The following ATP8B4 variants were observed in gnomAD, a reference collection of about 807,000 sequenced individuals.
The protein encoded by ATP8B4 is ATPase phospholipid transporting 8B4 (putative).
ATP8B4 carries 133 observed loss-of-function variants against 145.6 expected under a neutral mutation model. The ratio of observed to expected loss-of-function variants is 0.91; its 90% CI spans 0.79 to 1.05. ATP8B4 has a LOEUF of 1.05. Among genes scored for constraint, ATP8B4 ranks in the 50% least tolerant of loss-of-function variants. The pLI is 0.00. For synonymous variants in ATP8B4, 507 were observed against 492.9 expected (o/e 1.03, Z -0.38); for missense variants, 1,458 against 1,425.2 (o/e 1.02, Z -0.37).
intron 14 of ATP8B4, among the ~76,000 whole-genome samples, chr15:49,961,702 C>A (rs1002035863): frequency 6.6e-6 from 1 of 152,042 alleles, no homozygotes; most frequent in Admixed American, 6.6e-5. Flanking sequence ...TATGCTACCA[C>A]CTATATAATT....
intron 6 of ATP8B4, among the ~76,000 whole-genome samples, chr15:50,037,197 A>G (rs1193198308): frequency 2.0e-5 from 3 of 152,212 alleles, no homozygotes; most frequent in African/African-American, 4.8e-5. Context: ...TCACTACGTA[A>G]GTGTATTTAC....
chr15:49,887,286 C>A (rs1270419722), intron 23 of ATP8B4, among the ~76,000 whole-genome samples: 3 of 151,900 alleles, frequency 2.0e-5, no homozygotes, highest in African/African-American at 7.3e-5. Context: ...GCACATGAGC[C>A]CAGATCAACC....
intron 9 of ATP8B4, among the ~76,000 whole-genome samples, chr15:49,996,376 A>T (rs2047426105): frequency 6.6e-6 from 1 of 152,102 alleles, no homozygotes; most frequent in African/African-American, 2.4e-5. Context: ...TCTCCCCAGC[A>T]AGTCTGTATA....
At chr15:50,038,116 G>A (rs980532450) in intron 6 of ATP8B4, among the ~76,000 whole-genome samples, 4 of 152,028 alleles carry the variant, frequency 2.6e-5, no homozygotes, top group Non-Finnish European at 5.9e-5. Flanking sequence ...ATAAGGGGGG[G>A]ACAGCAAAAA....
chr15:49,956,678 A>T (rs72623973), intron 14 of ATP8B4, among the ~76,000 whole-genome samples: 19,451 of 152,058 alleles, frequency 0.13, 1,649 homozygotes, highest in East Asian at 0.34. Context: ...AGTGTCTAGG[A>T]CTACAGGTGT....
rs763979889 is a variant in ATP8B4, at chr15:49,866,331, A to C, written c.3166+15T>G. 6.2e-7 allele frequency: 1 copy of C among 1,613,298 alleles called. No individual in the cohort carries two copies. The highest frequency in any genetic ancestry group is 1.1e-5 in the South Asian group (1 of 91,030). On this transcript the variant is annotated intron_variant, in intron 26 of 27. Transcript: ENST00000284509. ...AGCAGACACTAGGTTCCACTAGTCAACATGACTCACTTACCAACAAATGGA... is the reference window on the plus strand; with the variant it reads ...AGCAGACACTAGGTTCCACTAGTCACCATGACTCACTTACCAACAAATGGA...
chr15:49,906,621 G>T (rs937445372), intron 20 of ATP8B4, among the ~76,000 whole-genome samples: 2 of 152,152 alleles, frequency 1.3e-5, no homozygotes, highest in African/African-American at 4.8e-5. Context: ...CCAAAATAGG[G>T]CTTTGAAACT....
chr15:50,019,673 C>T (rs372361440), intron 6 of ATP8B4, among the ~76,000 whole-genome samples: 14 of 152,308 alleles, frequency 9.2e-5, no homozygotes, highest in African/African-American at 3.1e-4. Context: ...ATTTTGTCTC[C>T]ATCCTTCCAA....
chr15:50,014,882 A>C (rs1041461809), intron 6 of ATP8B4, among the ~76,000 whole-genome samples: 1 of 152,166 alleles, frequency 6.6e-6, no homozygotes, highest in Non-Finnish European at 1.5e-5. Context: ...CAAAAGTTTA[A>C]ATGACCACAC....
chr15:50,065,505 G>A (rs767586280), intron 3 of ATP8B4, among the ~76,000 whole-genome samples: 8 of 152,070 alleles, frequency 5.3e-5, no homozygotes, highest in Non-Finnish European at 1.0e-4. Context: ...CCTCTCAATT[G>A]TTACTAAACT....
rs543634812 is a variant in ATP8B4 at position 49,913,124 on chromosome 15, C to CTTTTTTTTT, written c.2141+3801_2141+3809dup. ...GAAAGCCAGGTGACAGAGCACCTGG[C>CTTTTTTTTT]TTTTTTTTTTGTGTCTCAAAGAAAA... On this transcript the variant is annotated intron_variant, in intron 20 of 27. Transcript: ENST00000284509. 2.9e-4 allele frequency among the ~76,000 whole-genome samples: 40 copies of CTTTTTTTTT among 139,428 alleles called. 1 individual carries two copies. Among genetic ancestry groups the CTTTTTTTTT allele is most frequent in the African/African-American group, 1.0e-3 (36 of 35,108 alleles). The allele number at this position is 139,428 out of a possible 152,430, so 91.5% of individuals were successfully genotyped here.
intron 1 of ATP8B4, among the ~76,000 whole-genome samples, chr15:50,156,025 AC>A (rs1567410311): frequency 6.9e-6 from 1 of 145,436 alleles, no homozygotes; most frequent in East Asian, 1.9e-4. Flanking sequence ...TAAAAAAAAA[AC>A]AAAATCTCCT....
chr15:50,134,162 G>A (rs899802520), intron 1 of ATP8B4, among the ~76,000 whole-genome samples: 3 of 151,682 alleles, frequency 2.0e-5, no homozygotes, highest in African/African-American at 4.8e-5. Context: ...TAATATGTAA[G>A]AATGATAGAC....
intron 20 of ATP8B4, chr15:49,908,215 A>T (rs1216312880): frequency 4.9e-6 from 2 of 410,914 alleles, no homozygotes; most frequent in East Asian, 7.4e-5. Context: ...ATCTGTTTGC[A>T]TCTATCTTCC....
chr15:50,143,438 A>C (rs1257226877), intron 1 of ATP8B4, among the ~76,000 whole-genome samples: 1 of 152,236 alleles, frequency 6.6e-6, no homozygotes, highest in Non-Finnish European at 1.5e-5. Context: ...CTCTCCATAA[A>C]GCTGCTTTAG....
chr15:49,990,509 C>T (rs1014952852), intron 9 of ATP8B4, among the ~76,000 whole-genome samples: 14 of 152,204 alleles, frequency 9.2e-5, no homozygotes, highest in African/African-American at 3.4e-4. Context: ...AAGCAGATTG[C>T]AATTTATCCA....
chr15:50,131,864 G>A (rs2044052823), intron 1 of ATP8B4, among the ~76,000 whole-genome samples: 1 of 150,764 alleles, frequency 6.6e-6, no homozygotes, highest in Admixed American at 6.6e-5. Context: ...TAAAAATAAT[G>A]GTTATAAAAT....
At chr15:49,957,356 AACAC>A (rs138464462) in intron 14 of ATP8B4, among the ~76,000 whole-genome samples, 1 of 151,434 alleles carries the variant, frequency 6.6e-6, no homozygotes, top group African/African-American at 2.4e-5. Context: ...AACGCACACA[AACAC>A]ACACACACAG....
intron 3 of ATP8B4, among the ~76,000 whole-genome samples, chr15:50,071,751 C>T (rs951655569): frequency 6.6e-6 from 1 of 152,142 alleles, no homozygotes; most frequent in Non-Finnish European, 1.5e-5. Context: ...GGAATTATAG[C>T]CCCTCCCTCT....
Sources: allele counts gnomAD v4.1 joint callset (sites outside exome capture counted in the v4.1 genomes callset), GRCh38; gene constraint gnomAD v4.1.1; transcripts MANE v1.5; gene names NCBI Gene and HGNC (gene_info 2026-07-23, HGNC 2026-07-21).